Variants in HMX1 observed in about 807,000 individuals in gnomAD.
HMX1 encodes H6 family homeobox 1, also known as homeobox protein HMX1.
Under a neutral mutation model 8.9 loss-of-function variants are expected in HMX1, and 8 were observed. The ratio of observed to expected loss-of-function variants is 0.90; its 90% CI spans 0.53 to 1.63. The LOEUF is 1.63. Among genes scored for constraint, HMX1 ranks in the 40% most tolerant of loss-of-function variants. The pLI, the probability that HMX1 is intolerant of heterozygous loss-of-function variation, is 0.00. For synonymous variants in HMX1, 311 were observed against 283.4 expected, an observed-to-expected ratio of 1.10 and a Z score of -0.98; for missense variants, 621 against 558.5, an observed-to-expected ratio of 1.11 and a Z score of -1.13.
intron 1 of HMX1, among the ~76,000 whole-genome samples, chr4:8,856,073 C>G (rs1215047093): frequency 1.3e-5 from 2 of 152,168 alleles, no homozygotes; most frequent in Non-Finnish European, 2.9e-5. Flanking sequence ...TCATAGTGCA[C>G]GCCCAGCTGT....
rs1459737010 is a variant in HMX1 at position 8,867,433 on chromosome 4, C to T, written c.*260G>A. ...GGGGTGGCCGTGGCGCCGGGGGCTG[C>T]GCAGCCCAGAGTCTCTGCATGGCCC... On this transcript the variant is annotated 3_prime_UTR_variant, in exon 2 of 2. Coordinates refer to ENST00000400677, the MANE Select transcript of HMX1 (RefSeq NM_018942.3). 1.3e-5 allele frequency: 14 copies of T among 1,097,338 alleles called. No homozygotes were observed. The South Asian group carries it at 1.8e-4, about 14-fold the overall frequency. The allele number at this position is 1,097,338 out of a possible 1,614,324, so 68.0% of individuals were successfully genotyped here.
In HMX1 at chr4:8,867,687, C is replaced by T; in HGVS notation, c.*6G>A. 3 of 1,244,898 alleles carry T rather than the reference C, an allele frequency of 2.4e-6. No individual in the cohort carries two copies. Among genetic ancestry groups the T allele is most frequent in the African/African-American group, 1.6e-5 (1 of 64,406 alleles). The allele number at this position is 1,244,898 out of a possible 1,614,324, so 77.1% of individuals were successfully genotyped here. A position where few individuals can be genotyped will look rare whatever the true frequency, so the allele number is the denominator to read the frequency against. ...GGTCGTGGGGAGAGGGCCCGGCAGG[C>T]GGGGCTCACACCAGGCCAGGCATCT... On this transcript the variant is annotated 3_prime_UTR_variant, in exon 2 of 2. Transcript: ENST00000400677.
intron 1 of HMX1, chr4:8,859,220 C>G (rs1292177613): frequency 6.6e-6 from 1 of 152,136 alleles, no homozygotes; most frequent in Non-Finnish European, 1.5e-5. Flanking sequence ...CAGTGCCACC[C>G]CCAGGATATG....
downstream of HMX1, among the ~76,000 whole-genome samples, chr4:8,866,393 T>A (rs949247350): frequency 2.0e-5 from 3 of 152,174 alleles, no homozygotes; most frequent in Non-Finnish European, 4.4e-5. Context: ...GAACAACATA[T>A]TTCTCCTAGG....
Position 8,867,614 on chromosome 4 carries a change from C to G in HMX1, c.*79G>C, listed in dbSNP as rs1375052920. 3 of 1,197,502 alleles carry G rather than the reference C, an allele frequency of 2.5e-6. No individual in the cohort carries two copies. The highest frequency in any genetic ancestry group is 3.2e-5 in the African/African-American group (2 of 62,960). The allele number at this position is 1,197,502 out of a possible 1,614,324, so 74.2% of individuals were successfully genotyped here. A position where few individuals can be genotyped will look rare whatever the true frequency, so the allele number is the denominator to read the frequency against. On this transcript the variant is annotated 3_prime_UTR_variant, in exon 2 of 2. Coordinates refer to ENST00000400677, the MANE Select transcript of HMX1 (RefSeq NM_018942.3). ...GCGACCATCCCTTCCCTAACGCCCC[C>G]TGAGCCCTGCGCCTGCCGCTGAATC...
In HMX1 at chr4:8,847,999, C is replaced by A. The variant is rs1459797701; in HGVS notation, c.395-1675G>T. On this transcript the variant is annotated intron_variant, in intron 1 of 1. Transcript: ENST00000506970. This position sits in a 1 kb window ranked among gnomAD's most constrained non-coding sequence, Gnocchi z 6.0. The stretch of plus-strand genomic sequence containing the variant: ...CGCCAGGTCCAGGGTGACATCTGAG[C>A]TCAGCGAACCGAATTTTGAATCTAA... 1.3e-5 allele frequency among the ~76,000 whole-genome samples: 2 copies of A among 152,134 alleles called. No homozygotes were observed. The highest frequency in any genetic ancestry group is 2.9e-5 in the Non-Finnish European group (2 of 68,032).
exon 2 of HMX1, chr4:8,846,144 G>C (rs897643389): frequency 1.2e-6 from 1 of 866,120 alleles, no homozygotes; most frequent in Admixed American, 2.2e-5. Context: ...TGCTCCACGC[G>C]GTCACTCGGG....
At chr4:8,857,588 CT>C (rs1344376277) in intron 1 of HMX1, among the ~76,000 whole-genome samples, 5 of 152,336 alleles carry the variant, frequency 3.3e-5, no homozygotes, top group African/African-American at 7.2e-5. Flanking sequence ...CCCCGCCCCC[CT>C]GCCTGTGGAA....
chr4:8,867,417 G>T lies in HMX1; in HGVS notation c.*276C>A. 1 of 1,088,076 alleles carries T rather than the reference G, an allele frequency of 9.2e-7. No individual in the cohort carries two copies. The allele number at this position is 1,088,076 out of a possible 1,614,324, so 67.4% of individuals were successfully genotyped here. Reference sequence around the variant, plus strand: ...TCCTCGCTGAGGCCGGGGGGTGGCCGTGGCGCCGGGGGCTGCGCAGCCCAG... The same window carrying T: ...TCCTCGCTGAGGCCGGGGGGTGGCCTTGGCGCCGGGGGCTGCGCAGCCCAG... On this transcript the variant is annotated 3_prime_UTR_variant, in exon 2 of 2. Coordinates refer to ENST00000400677, the MANE Select transcript of HMX1 (RefSeq NM_018942.3).
At chr4:8,850,005 C>T (rs557644634) in intron 1 of HMX1, among the ~76,000 whole-genome samples, 12 of 152,294 alleles carry the variant, frequency 7.9e-5, no homozygotes, top group South Asian at 2.1e-4. Context: ...CCTCCTTCTC[C>T]CACAGCCCCA....
chr4:8,868,005 C>G lies in HMX1; in HGVS notation c.735G>C (p.Thr245=). The G allele has an allele frequency of 3.9e-6, 6 of 1,543,422 alleles. No homozygotes were observed. Among genetic ancestry groups the G allele is most frequent in the Non-Finnish European group, 5.2e-6 (6 of 1,145,094 alleles). ...GLAASLQLTE[T]QVKIWFQNRR... is the part of the protein sequence containing the mutation. ...GGTTCTGGAACCAGATCTTAACCTGCGTCTCGGTGAGCTGCAGGGAGGCGG... is the reference window on the plus strand; with the variant it reads ...GGTTCTGGAACCAGATCTTAACCTGGGTCTCGGTGAGCTGCAGGGAGGCGG... Residue 245 remains threonine, a synonymous_variant, in exon 2 of 2, where the codon ACG becomes ACC. Coordinates refer to ENST00000400677, the MANE Select transcript of HMX1 (RefSeq NM_018942.3). This position sits in a 1 kb window ranked among gnomAD's most constrained non-coding sequence, Gnocchi z 4.6.
At chr4:8,855,700 A>T (rs1721589040) in intron 1 of HMX1, among the ~76,000 whole-genome samples, 1 of 152,178 alleles carries the variant, frequency 6.6e-6, no homozygotes, top group East Asian at 1.9e-4. Context: ...CTTGGGTGTG[A>T]ACCGGGAGTG....
chr4:8,849,016 C>T lies in HMX1; in HGVS notation c.395-2692G>A, dbSNP rs1035710124. ...CTCCTCTCTGAACAGAGTGCAGCAT[C>T]GTGGGGGTGGAGACCCGGCTGAGGG... On this transcript the variant is annotated intron_variant, in intron 1 of 1. Coordinates refer to the HMX1 transcript ENST00000506970. The surrounding 1 kb of genome is among the most constrained non-coding windows in gnomAD (Gnocchi z 6.6). Among the ~76,000 whole-genome samples the T allele has an allele frequency of 8.5e-5, 13 of 152,272 alleles. 1 individual carries two copies. Among genetic ancestry groups the T allele is most frequent in the African/African-American group, 4.8e-5 (2 of 41,562 alleles).
chr4:8,867,069 T>G lies in HMX1; in HGVS notation c.*624A>C. 2.0e-6 allele frequency: 2 copies of G among 985,278 alleles called. No homozygotes were observed. Among genetic ancestry groups the G allele is most frequent in the Non-Finnish European group, 2.4e-6 (2 of 829,798 alleles). 61.0% of individuals were successfully genotyped at this position (985,278 alleles called of 1,614,324 possible). A position where few individuals can be genotyped will look rare whatever the true frequency, so the allele number is the denominator to read the frequency against. ...ACTGTCCAGAAAATGTCCCTTTTTA[T>G]TCCATACGCAAATAAGTAGATTCAT... On this transcript the variant is annotated 3_prime_UTR_variant, in exon 2 of 2. Coordinates refer to ENST00000400677, the MANE Select transcript of HMX1 (RefSeq NM_018942.3).
At chr4:8,857,532 G>A (rs1721648726) in intron 1 of HMX1, among the ~76,000 whole-genome samples, 1 of 152,190 alleles carries the variant, frequency 6.6e-6, no homozygotes, top group Admixed American at 6.5e-5. Flanking sequence ...TCTCTCGGAA[G>A]TGACGGCTGA....
chr4:8,861,798 G>A lies in HMX1; in HGVS notation c.394+9423C>T, dbSNP rs772330380. On this transcript the variant is annotated intron_variant, in intron 1 of 1. Coordinates refer to the HMX1 transcript ENST00000506970. ...TCAAGGCGCCCATCCTCTTGATGGC[G>A]GGGCGCACCTTTCGCGTGGGTCGGG... Among the ~76,000 whole-genome samples the A allele has an allele frequency of 2.4e-4, 37 of 152,250 alleles. 1 individual carries two copies. The highest frequency in any genetic ancestry group is 5.9e-5 in the Non-Finnish European group (4 of 68,046).
chr4:8,868,163 G>C lies in HMX1; in HGVS notation c.577C>G (p.Arg193Gly). Residue 193 changes from arginine (R) to glycine (G), a missense_variant, in exon 2 of 2, where the codon CGC becomes GGC. Transcript: ENST00000400677. This position sits in a 1 kb window ranked among gnomAD's most constrained non-coding sequence, Gnocchi z 4.6. The stretch of plus-strand genomic sequence containing the variant: ...CCGCCGCCCACGCCAACGCCGCCGC[G>C]TGTCTCCCCAGCCGCCGCAGGGACC... ...AEVPAAAGET[R>G]GGVGVGGGRK... The C allele has an allele frequency of 6.7e-7, 1 of 1,501,872 alleles. No homozygotes were observed. Among genetic ancestry groups the C allele is most frequent in the Non-Finnish European group, 8.8e-7 (1 of 1,131,164 alleles). 93.0% of individuals were successfully genotyped at this position (1,501,872 alleles called of 1,614,324 possible). A position where few individuals can be genotyped will look rare whatever the true frequency, so the allele number is the denominator to read the frequency against.
In HMX1 at chr4:8,853,235, A is replaced by T. The variant is rs1560168410; in HGVS notation, c.395-6911T>A. Among the ~76,000 whole-genome samples, 1 of 152,202 alleles carries T rather than the reference A, an allele frequency of 6.6e-6. No homozygotes were observed. Among genetic ancestry groups the T allele is most frequent in the Admixed American group, 6.5e-5 (1 of 15,284 alleles). Reference sequence around the variant, plus strand: ...AAACAAATAAATGAGTGAAGCTGGTAAACCATCCAGGAGGTAGGACAGCTC... The same window carrying T: ...AAACAAATAAATGAGTGAAGCTGGTTAACCATCCAGGAGGTAGGACAGCTC... On this transcript the variant is annotated intron_variant, in intron 1 of 1. Transcript: ENST00000506970. The surrounding 1 kb of genome is among the most constrained non-coding windows in gnomAD (Gnocchi z 4.7).
Position 8,868,314 on chromosome 4 carries a change from C to T in HMX1, c.426G>A (p.Glu142=). 1 of 1,436,110 alleles carries T rather than the reference C, an allele frequency of 7.0e-7. No individual in the cohort carries two copies. The highest frequency in any genetic ancestry group is 1.5e-5 in the African/African-American group (1 of 67,506). 89.0% of individuals were successfully genotyped at this position (1,436,110 alleles called of 1,614,324 possible). Residue 142 remains glutamate, a synonymous_variant, in exon 2 of 2, where the codon GAG becomes GAA. Transcript: ENST00000400677. This position sits in a 1 kb window ranked among gnomAD's most constrained non-coding sequence, Gnocchi z 4.6. ...TSDRDSPETG[E]EMGRAEGAWP... is the part of the protein sequence containing the mutation. ...AGGCGCCCTCCGCACGGCCCATCTCCTCGCCCGTCTCCGGTGAGTCCCGGT... is the reference window on the plus strand; with the variant it reads ...AGGCGCCCTCCGCACGGCCCATCTCTTCGCCCGTCTCCGGTGAGTCCCGGT...
Sources: allele counts gnomAD v4.1 joint callset (sites outside exome capture counted in the v4.1 genomes callset), GRCh38; gene constraint gnomAD v4.1.1; non-coding constraint Gnocchi (gnomAD v3.1); transcripts MANE v1.5; gene names NCBI Gene and HGNC (gene_info 2026-07-23, HGNC 2026-07-21).